MFRP: variants seen among roughly 807,000 people sequenced by gnomAD.
MFRP encodes C1q and TNF related 5.
Under a neutral mutation model 65.8 loss-of-function variants are expected in MFRP, and 74 were observed. The ratio of observed to expected loss-of-function variants is 1.12; its 90% CI spans 0.93 to 1.36. MFRP has a LOEUF of 1.36. MFRP is among the 40% of genes most tolerant of loss of function. MFRP has a pLI of 0.00. For synonymous variants in MFRP, 336 were observed against 288.3 expected (o/e 1.17, Z -1.68); for missense variants, 838 against 736.0 (o/e 1.14, Z -1.60).
At position 119,341,391 on chromosome 11, in the gene MFRP, C is replaced by T; in HGVS notation, c.*157G>A. 2 of 644,516 alleles carry T rather than the reference C, an allele frequency of 3.1e-6. No homozygotes were observed. Among genetic ancestry groups the T allele is most frequent in the Non-Finnish European group, 5.3e-6 (2 of 375,024 alleles). The allele number at this position is 644,516 out of a possible 1,614,324, so 39.9% of individuals were successfully genotyped here. A position where few individuals can be genotyped will look rare whatever the true frequency, so the allele number is the denominator to read the frequency against. On this transcript the variant is annotated 3_prime_UTR_variant, in exon 13 of 15. Transcript: ENST00000619721. ...AGGAGCAGGGAGGGTGGTAGGGTCC[C>T]ATGAGCCCCAGCTGAGGACTTCTCT...
In MFRP at chr11:119,341,995, G is replaced by A. The variant is rs935673799; in HGVS notation, c.1388-11C>T. The A allele has an allele frequency of 2.2e-5, 36 of 1,613,072 alleles. No individual in the cohort carries two copies. The highest frequency in any genetic ancestry group is 2.9e-5 in the Non-Finnish European group (34 of 1,180,014). ...GCTCACAGGCCAGCTCTGCAGGGGT[G>A]GAGGGGAGGGCCACTGTGGGGACTG... On this transcript the variant is annotated splice_polypyrimidine_tract_variant and intron_variant, in intron 11 of 14. Transcript: ENST00000619721.
rs538597879 is a variant in MFRP, at chr11:119,346,016, C to T, written c.271+30G>A. 3.7e-6 allele frequency: 6 copies of T among 1,612,892 alleles called. No homozygotes were observed. In the African/African-American group the frequency reaches 8.0e-5, roughly 22 times the overall value. On this transcript the variant is annotated intron_variant, in intron 3 of 14. Transcript: ENST00000619721. Reference sequence around the variant, plus strand: ...GGCTCATGGAGTTTCATTCCAAAGCCCTCGTTTCAAGCTGTCCCCGGGTAC... The same window carrying T: ...GGCTCATGGAGTTTCATTCCAAAGCTCTCGTTTCAAGCTGTCCCCGGGTAC...
intron 5 of MFRP, 139 bp from the exon 6 acceptor site, chr11:119,345,143 C>T: frequency 8.7e-7 from 1 of 1,155,876 alleles, no homozygotes; most frequent in South Asian, 1.5e-5. Context: ...TCTGATGTCC[C>T]AGGGAGCTCT....
chr11:119,339,797 G>A lies in MFRP; in HGVS notation c.*1162C>T. ...CTCCCCGGCAGGCCCGGTGGGCCCC[G>A]CGGGTCCCGCCTCTCCTCGCGGCCC... On this transcript the variant is annotated 3_prime_UTR_variant, in exon 15 of 15. Coordinates refer to ENST00000619721, the MANE Select transcript of MFRP (RefSeq NM_031433.4). The surrounding 1 kb of genome is among the most constrained non-coding windows in gnomAD (Gnocchi z 5.4). 6.6e-7 allele frequency: 1 copy of A among 1,508,040 alleles called. No homozygotes were observed. Among genetic ancestry groups the A allele is most frequent in the Non-Finnish European group, 8.8e-7 (1 of 1,132,434 alleles). The allele number at this position is 1,508,040 out of a possible 1,614,324, so 93.4% of individuals were successfully genotyped here.
chr11:119,341,969 G>A lies in MFRP; in HGVS notation c.1403C>T (p.Pro468Leu). Residue 468 changes from proline (P) to leucine (L), a missense_variant, in exon 12 of 15, where the codon CCT becomes CTT. Pro to Leu is a moderately conservative substitution (Grantham distance 98, BLOSUM62 -3). Transcript: ENST00000619721. Reference sequence around the variant, plus strand: ...ACCGAGGCACATCTCCACCTGGACAGGCTCACAGGCCAGCTCTGCAGGGGT... The same window carrying A: ...ACCGAGGCACATCTCCACCTGGACAAGCTCACAGGCCAGCTCTGCAGGGGT... Reference protein sequence around the residue: ...LFPPPELACEPVQVEMCLGLS... With the variant: ...LFPPPELACELVQVEMCLGLS... 6.2e-7 allele frequency: 1 copy of A among 1,613,812 alleles called. No individual in the cohort carries two copies. Among genetic ancestry groups the A allele is most frequent in the Non-Finnish European group, 8.5e-7 (1 of 1,180,036 alleles).
chr11:119,344,204 G>A, intron 8 of MFRP, 111 bp downstream of exon 8: 2 of 1,135,680 alleles, frequency 1.8e-6, no homozygotes, highest in Non-Finnish European at 2.7e-6. Context: ...CTTGATCTCT[G>A]ACCTTCCCAA....
At chr11:119,344,056 G>T (rs1489920214) in intron 8 of MFRP, 92 bp from the exon 9 acceptor site, 9 of 1,515,018 alleles carry the variant, frequency 5.9e-6, no homozygotes, top group Admixed American at 1.7e-5. Context: ...CTGCTGGCTG[G>T]GGGGATGGGG....
chr11:119,345,882 A>T lies in MFRP; in HGVS notation c.318T>A (p.Pro106=). Residue 106 remains proline, a synonymous_variant, in exon 4 of 15, where the codon CCT becomes CCA. Transcript: ENST00000619721. ...PPSGASHSPL[P]AGGLTTTTTT... ...TGGTGGTCGTGGTAAGGCCTCCGGC[A>T]GGCAGTGGGCTATGGGACGCCCCAG... is the stretch of plus-strand genomic sequence containing the variant. The T allele has an allele frequency of 6.2e-7, 1 of 1,613,668 alleles. No individual in the cohort carries two copies. Among genetic ancestry groups the T allele is most frequent in the South Asian group, 1.1e-5 (1 of 91,070 alleles).
chr11:119,343,551 T>C (rs1950525056), intron 9 of MFRP, among the ~76,000 whole-genome samples: 1 of 151,834 alleles, frequency 6.6e-6, no homozygotes, highest in Admixed American at 6.6e-5. Context: ...AATGAGGGTT[T>C]GTAGGGGAGG....
chr11:119,340,076 G>A (rs927998190), intron 14 of MFRP, 108 bp downstream of exon 14: 3 of 1,353,356 alleles, frequency 2.2e-6, no homozygotes, highest in Non-Finnish European at 2.9e-6. Flanking sequence ...CAAAGCGCGG[G>A]GAGTGGCGCC....
Position 119,341,673 on chromosome 11 carries a change from G to A in MFRP, c.1615C>T (p.Arg539Cys), listed in dbSNP as rs374823079. 65 of 1,613,096 alleles carry A rather than the reference G, an allele frequency of 4.0e-5. No individual in the cohort carries two copies. Among genetic ancestry groups the A allele is most frequent in the Admixed American group, 3.3e-4 (20 of 60,032 alleles). ...TGCTCCGCTTCCTGGCAGACAGAGC[G>A]GCAAGGGGGCAGAACACTGCCTAGT... The part of the protein sequence containing the change: ...TPLGSVLPPC[R>C]SVCQEAEHQC... Residue 539 changes from arginine (R) to cysteine (C), a missense_variant, in exon 13 of 15, where the codon CGC becomes TGC. Physicochemically the swap from Arg to Cys is radical, Grantham distance 180 (BLOSUM62 -3). Coordinates refer to ENST00000619721, the MANE Select transcript of MFRP (RefSeq NM_031433.4).
At position 119,340,177 on chromosome 11, in the gene MFRP, T is replaced by A; in HGVS notation, c.*1110+7A>T. 2 of 1,513,814 alleles carry A rather than the reference T, an allele frequency of 1.3e-6. No individual in the cohort carries two copies. The highest frequency in any genetic ancestry group is 8.8e-7 in the Non-Finnish European group (1 of 1,133,970). 93.8% of individuals were successfully genotyped at this position (1,513,814 alleles called of 1,614,324 possible). A position where few individuals can be genotyped will look rare whatever the true frequency, so the allele number is the denominator to read the frequency against. On this transcript the variant is annotated splice_region_variant and intron_variant, in intron 14 of 14. Coordinates refer to ENST00000619721, the MANE Select transcript of MFRP (RefSeq NM_031433.4). ...CGCCACCGATAGCCGCGGCGGTGCC[T>A]TCTTACCCGGCCTCCCGCCCTCGCC...
Position 119,345,529 on chromosome 11 carries a change from T to C in MFRP, c.532A>G (p.Thr178Ala). 1 of 1,614,062 alleles carries C rather than the reference T, an allele frequency of 6.2e-7. No homozygotes were observed. Among genetic ancestry groups the C allele is most frequent in the Non-Finnish European group, 8.5e-7 (1 of 1,180,030 alleles). Residue 178 changes from threonine to alanine, a missense_variant, in exon 5 of 15, where the codon ACA (threonine) becomes GCA (alanine). Thr to Ala is a moderately conservative substitution (Grantham distance 58). Coordinates refer to ENST00000619721, the MANE Select transcript of MFRP (RefSeq NM_031433.4). ...THCVWHIQVA[T>A]DHAIQLKIEA... ...ATCTTGAGCTGTATTGCATGGTCTG[T>C]GGCCACCTGGATATGCCACACGCAG... is the stretch of plus-strand genomic sequence containing the variant.
intron 11 of MFRP, 94 bp downstream of exon 11, chr11:119,342,502 G>T: frequency 6.6e-7 from 1 of 1,522,336 alleles, no homozygotes; most frequent in Non-Finnish European, 8.9e-7. Flanking sequence ...CGCCCCCTCA[G>T]GGAGGTTGGG....
Position 119,341,707 on chromosome 11 carries a change from A to T in MFRP, c.1581T>A (p.Arg527=), listed in dbSNP as rs1950504406. The T allele has an allele frequency of 1.2e-6, 2 of 1,613,170 alleles. No homozygotes were observed. Among genetic ancestry groups the T allele is most frequent in the Non-Finnish European group, 1.7e-6 (2 of 1,180,014 alleles). Reference sequence around the variant, plus strand: ...GCAGAACACTGCCTAGTGGGGTGCAACGGGGCACAAGCAGCCCACACAGGA... The same window carrying T: ...GCAGAACACTGCCTAGTGGGGTGCATCGGGGCACAAGCAGCCCACACAGGA... ...RRLLCGLLVP[R]CTPLGSVLPP... The change falls in exon 13 of 15, where the codon CGT becomes CGA. Residue 527 remains arginine (R), a synonymous_variant. Transcript: ENST00000619721.
rs1297272136 is a variant in MFRP, at chr11:119,346,632, G to C, written c.-119C>G. ...CAGCCTCTACTACCCGAGGGAAAAGGCTGCCAGGCTAGACCAGTTCTTGGG... is the reference window on the plus strand; with the variant it reads ...CAGCCTCTACTACCCGAGGGAAAAGCCTGCCAGGCTAGACCAGTTCTTGGG... On this transcript the variant is annotated 5_prime_UTR_variant, in exon 1 of 15. Coordinates refer to ENST00000619721, the MANE Select transcript of MFRP (RefSeq NM_031433.4). The C allele has an allele frequency of 3.9e-6, 4 of 1,027,932 alleles. No individual in the cohort carries two copies. The highest frequency in any genetic ancestry group is 3.0e-6 in the Non-Finnish European group (2 of 661,386). The allele number at this position is 1,027,932 out of a possible 1,614,324, so 63.7% of individuals were successfully genotyped here.
chr11:119,342,466 G>T, intron 11 of MFRP, 130 bp downstream of exon 11: 1 of 1,224,062 alleles, frequency 8.2e-7, no homozygotes, highest in South Asian at 1.5e-5. Context: ...TGGTCCCAGA[G>T]TCAGGATGGT....
chr11:119,343,133 G>A, intron 9 of MFRP, 130 bp from the exon 10 acceptor site: 1 of 1,179,780 alleles, frequency 8.5e-7, no homozygotes, highest in Non-Finnish European at 1.2e-6. Flanking sequence ...CACAGGGTTA[G>A]GGTCTGGCGA....
Position 119,346,345 on chromosome 11 carries a change from A to C in MFRP, c.84T>G (p.Pro28=), listed in dbSNP as rs1399428489. 6.2e-7 allele frequency: 1 copy of C among 1,613,908 alleles called. No homozygotes were observed. Among genetic ancestry groups the C allele is most frequent in the East Asian group, 2.2e-5 (1 of 44,896 alleles). Residue 28 remains proline (P), a synonymous_variant, in exon 2 of 15, where the codon CCT becomes CCG. Coordinates refer to ENST00000619721, the MANE Select transcript of MFRP (RefSeq NM_031433.4). ...KTEFCNPAFE[P]ESGPPCPPPV... Reference sequence around the variant, plus strand: ...GGGGAGGGCAGGGTGGCCCAGACTCAGGCTCGAAGGCAGGATTGCAGAACT... The same window carrying C: ...GGGGAGGGCAGGGTGGCCCAGACTCCGGCTCGAAGGCAGGATTGCAGAACT...
Sources: gnomAD v4.1 joint callset for allele counts (sites outside exome capture counted in the v4.1 genomes callset) on GRCh38, gnomAD v4.1.1 for gene constraint, Gnocchi (gnomAD v3.1) non-coding constraint, MANE v1.5 for transcripts, NCBI Gene and HGNC (gene_info 2026-07-23, HGNC 2026-07-21) for gene names.